Variants in ZC3H14 observed in about 807,000 individuals in gnomAD.
ZC3H14 encodes zinc finger CCCH domain-containing protein 14.
Under a neutral mutation model 92.4 loss-of-function variants are expected in ZC3H14, and 31 were observed. That is an observed-to-expected ratio of 0.34 (90% CI 0.25 to 0.45). The LOEUF (loss-of-function observed/expected upper bound fraction) is 0.45, where lower values mean the gene tolerates loss of function less well. Ranked by LOEUF, ZC3H14 falls within the 20% of genes least tolerant of loss-of-function variation. The pLI, the probability that ZC3H14 is intolerant of heterozygous loss-of-function variation, is 1.00. For synonymous variants in ZC3H14, 321 were observed against 300.9 expected, an observed-to-expected ratio of 1.07 and a Z score of -0.69; for missense variants, 781 against 897.3, an observed-to-expected ratio of 0.87 and a Z score of 1.66.
intron 2 of ZC3H14, among the ~76,000 whole-genome samples, chr14:88,564,232 C>G (rs992990378): frequency 2.0e-5 from 3 of 152,072 alleles, no homozygotes; most frequent in Non-Finnish European, 4.4e-5. Flanking sequence ...TTTTATTTTC[C>G]GATCTCTTTA....
In ZC3H14 at chr14:88,612,095, T is replaced by A. The variant is rs1047494419; in HGVS notation, c.*344T>A. ...GTCATGGTACTGCAGCTTAGGGGGCTACACGGTTGCTGTGTGAGTGGAGAG... is the reference window on the plus strand; with the variant it reads ...GTCATGGTACTGCAGCTTAGGGGGCAACACGGTTGCTGTGTGAGTGGAGAG... On this transcript the variant is annotated 3_prime_UTR_variant, in exon 17 of 17. Transcript: ENST00000251038. 11 of 288,478 alleles carry A rather than the reference T, an allele frequency of 3.8e-5. No individual in the cohort carries two copies. Among genetic ancestry groups the A allele is most frequent in the African/African-American group, 2.2e-4 (10 of 45,894 alleles). The allele number at this position is 288,478 out of a possible 1,614,324, so 17.9% of individuals were successfully genotyped here. A position where few individuals can be genotyped will look rare whatever the true frequency, so the allele number is the denominator to read the frequency against.
chr14:88,582,186 A>G (rs1362378310), intron 9 of ZC3H14, among the ~76,000 whole-genome samples: 1 of 152,256 alleles, frequency 6.6e-6, no homozygotes, highest in African/African-American at 2.4e-5. Context: ...ACAAGATGGT[A>G]GGATTAGAGT....
rs115769136 is a variant in ZC3H14 at position 88,617,091 on chromosome 14, T to C, written c.*5340T>C. The C allele has an allele frequency of 1.7e-3, 733 of 428,172 alleles. 11 individuals are homozygous for C. The highest frequency in any genetic ancestry group is 0.011 in the African/African-American group (584 of 50,806). 26.5% of individuals were successfully genotyped at this position (428,172 alleles called of 1,614,324 possible). On this transcript the variant is annotated 3_prime_UTR_variant, in exon 17 of 17. Transcript: ENST00000251038. ...GACATTTTATAATTTGAAGGGTTTC[T>C]AGATTAATCTTTTTAAGATTAAAGT...
At chr14:88,586,258 T>C (rs564248539) in intron 9 of ZC3H14, among the ~76,000 whole-genome samples, 1 of 152,390 alleles carries the variant, frequency 6.6e-6, no homozygotes, top group South Asian at 2.1e-4. Context: ...CTCCTGTTTA[T>C]CATTTTACTT....
At chr14:88,577,807 T>G (rs189132621) in intron 8 of ZC3H14, among the ~76,000 whole-genome samples, 178 bp from the exon 9 acceptor site, 1 of 152,268 alleles carries the variant, frequency 6.6e-6, no homozygotes, top group African/African-American at 2.4e-5. Flanking sequence ...TGACCTCAAG[T>G]GATCCACCCA....
chr14:88,603,124 C>A, intron 12 of ZC3H14, 64 bp downstream of exon 12: 1 of 1,498,020 alleles, frequency 6.7e-7, no homozygotes, highest in Non-Finnish European at 9.3e-7. Context: ...ACTTGTTTCT[C>A]TACCTTGAAT....
intron 9 of ZC3H14, chr14:88,586,776 A>G (rs1241767259): frequency 2.0e-5 from 3 of 152,254 alleles, no homozygotes; most frequent in Admixed American, 6.5e-5. Flanking sequence ...AAGCATATCA[A>G]TGTAATATCT....
At chr14:88,596,099 A>G (rs1037494810) in intron 9 of ZC3H14, among the ~76,000 whole-genome samples, 3 of 152,218 alleles carry the variant, frequency 2.0e-5, no homozygotes, top group Admixed American at 2.0e-4. Flanking sequence ...ATAGGAATTA[A>G]TGTTAGGAGC....
intron 9 of ZC3H14, among the ~76,000 whole-genome samples, chr14:88,578,471 TTTA>T (rs1486123838): frequency 1.3e-5 from 2 of 152,178 alleles, no homozygotes; most frequent in Non-Finnish European, 2.9e-5. Context: ...TGAAAGTCTT[TTTA>T]TTGTGGAAAT....
chr14:88,610,922 G>T lies in ZC3H14; in HGVS notation c.2186G>T (p.Trp729Leu), dbSNP rs760868211. The change falls in exon 16 of 17, where the codon TGG becomes TTG. Residue 729 changes from tryptophan to leucine, a missense_variant. Transcript: ENST00000251038. ...GTCCCACCACGACATGCCTTGAAAT[G>T]GATTCGACCTCAAACCAGGTAAACA... ...INVPPRHALK[W>L]IRPQTSE The T allele has an allele frequency of 6.2e-7, 1 of 1,614,076 alleles. No homozygotes were observed. Among genetic ancestry groups the T allele is most frequent in the South Asian group, 1.1e-5 (1 of 91,086 alleles).
chr14:88,563,985 TCTAGGGACGGGTCTCG>T (rs1232561756), intron 2 of ZC3H14, among the ~76,000 whole-genome samples: 1 of 152,154 alleles, frequency 6.6e-6, no homozygotes, highest in African/African-American at 2.4e-5. Context: ...CATTTTAAAT[TCTAGGGACGGGTCTCG>T]CTACGTTGCC....
rs1354044105 is a variant in ZC3H14 at position 88,572,603 on chromosome 14, A to G, written c.457A>G (p.Thr153Ala). The change falls in exon 6 of 17, where the codon ACC (threonine) becomes GCC (alanine). Residue 153 changes from threonine to alanine, a missense_variant. By Grantham distance (58) the Thr-to-Ala change is moderately conservative (BLOSUM62 0). This residue lies in a region of ZC3H14 where 454 missense variants were observed against 438.5 expected (regional missense o/e 1.04). Coordinates refer to ENST00000251038, the MANE Select transcript of ZC3H14 (RefSeq NM_024824.5). ...ACAGACTTACGATGATGGAGCTGCA[A>G]CCCGACTAATGTCAACAGTGAAACC... ...VRQTYDDGAA[T>A]RLMSTVKPLR... 3.7e-6 allele frequency: 6 copies of G among 1,614,176 alleles called. No individual in the cohort carries two copies. Among genetic ancestry groups the G allele is most frequent in the South Asian group, 3.3e-5 (3 of 91,092 alleles).
In ZC3H14 at chr14:88,621,725, AC is replaced by A. The variant is rs1345483160; in HGVS notation, c.*9975del. On this transcript the variant is annotated 3_prime_UTR_variant, in exon 17 of 17. Transcript: ENST00000251038. ...TAATATCCGTATGATTTATAAATACACTTAATAAGTACAAACACGCTCAAAA... is the reference window on the plus strand; with the variant it reads ...TAATATCCGTATGATTTATAAATACATTAATAAGTACAAACACGCTCAAAA... 3.3e-6 allele frequency: 1 copy of A among 305,398 alleles called. No homozygotes were observed. The highest frequency in any genetic ancestry group is 6.5e-6 in the Non-Finnish European group (1 of 153,104). The allele number at this position is 305,398 out of a possible 1,614,324, so 18.9% of individuals were successfully genotyped here.
intron 13 of ZC3H14, chr14:88,608,563 G>C (rs1461910747): frequency 4.3e-6 from 1 of 234,566 alleles, no homozygotes; most frequent in Non-Finnish European, 8.4e-6. Context: ...TTTGTGCCTC[G>C]GACCTGTGAG....
chr14:88,594,237 C>T (rs558952295), intron 9 of ZC3H14: 1 of 185,702 alleles, frequency 5.4e-6, no homozygotes, highest in Non-Finnish European at 1.0e-5. Context: ...ACATTTAATT[C>T]ATATCATATT....
At position 88,626,161 on chromosome 14, in the gene ZC3H14, AC is replaced by A. The variant is rs2089910768; in HGVS notation, c.*14412del. Reference sequence around the variant, plus strand: ...AGCAAAGGAAATCCTAAACCCTAGTACCACCTTAAATCATTTGAAAATCATG... The same window carrying A: ...AGCAAAGGAAATCCTAAACCCTAGTACACCTTAAATCATTTGAAAATCATG... On this transcript the variant is annotated 3_prime_UTR_variant, in exon 17 of 17. Transcript: ENST00000251038. 6.6e-6 allele frequency: 1 copy of A among 152,266 alleles called. No individual in the cohort carries two copies. Among genetic ancestry groups the A allele is most frequent in the African/African-American group, 2.4e-5 (1 of 41,448 alleles). 9.4% of individuals were successfully genotyped at this position (152,266 alleles called of 1,614,324 possible).
chr14:88,574,792 T>A lies in ZC3H14; in HGVS notation c.961T>A (p.Tyr321Asn), dbSNP rs1445880253. Residue 321 changes from tyrosine to asparagine, a missense_variant, in exon 7 of 17, where the codon TAC becomes AAC. Physicochemically the swap from Tyr to Asn is moderately radical, Grantham distance 143. Transcript: ENST00000251038. ...AGAAGAGGAGGAAGAAGATGATGAT[T>A]ACGGGTCTCGAACAGGAAGCATCTC... ...DGEEEEEDDD[Y>N]GSRTGSISSS... 2 of 1,614,094 alleles carry A rather than the reference T, an allele frequency of 1.2e-6. No homozygotes were observed. The highest frequency in any genetic ancestry group is 3.3e-5 in the Admixed American group (2 of 60,010).
In ZC3H14 at chr14:88,627,181, T is replaced by A; in HGVS notation, c.*15430T>A. On this transcript the variant is annotated 3_prime_UTR_variant, in exon 17 of 17. Transcript: ENST00000251038. The stretch of plus-strand genomic sequence containing the variant: ...GGCCAATGGCCCCTGCTCTACTACC[T>A]AGCAATACATGATTTACAATTATTT... The A allele has an allele frequency of 9.4e-6, 7 of 741,744 alleles. No homozygotes were observed. In the South Asian group the frequency reaches 1.2e-4, roughly 13 times the overall value. The allele number at this position is 741,744 out of a possible 1,614,324, so 45.9% of individuals were successfully genotyped here. A position where few individuals can be genotyped will look rare whatever the true frequency, so the allele number is the denominator to read the frequency against.
At position 88,618,300 on chromosome 14, in the gene ZC3H14, T is replaced by C. The variant is rs1193034646; in HGVS notation, c.*6549T>C. The C allele has an allele frequency of 1.9e-6, 3 of 1,613,682 alleles. No homozygotes were observed. Among genetic ancestry groups the C allele is most frequent in the African/African-American group, 2.7e-5 (2 of 74,920 alleles). On this transcript the variant is annotated 3_prime_UTR_variant, in exon 17 of 17. Coordinates refer to ENST00000251038, the MANE Select transcript of ZC3H14 (RefSeq NM_024824.5). ...AAGATGTTTTCCTGAAGGCACTTCATAGACATGCCGTTTATAGCAGCCACT... is the reference window on the plus strand; with the variant it reads ...AAGATGTTTTCCTGAAGGCACTTCACAGACATGCCGTTTATAGCAGCCACT...
Sources: gnomAD v4.1 joint callset for allele counts (sites outside exome capture counted in the v4.1 genomes callset) on GRCh38, gnomAD v4.1.1 for gene constraint, gnomAD v4.1.1 regional missense constraint, MANE v1.5 for transcripts, NCBI Gene and HGNC (gene_info 2026-07-23, HGNC 2026-07-21) for gene names.